The following STARD9 variants were observed in gnomAD, a reference collection of about 807,000 sequenced individuals.
The protein encoded by STARD9 is stAR-related lipid transfer protein 9.
STARD9 carries 346 observed loss-of-function variants against 399.8 expected under a neutral mutation model. The observed-to-expected ratio is 0.87, with a 90% CI of 0.79 to 0.95. The LOEUF (loss-of-function observed/expected upper bound fraction) is 0.95. Among genes scored for constraint, STARD9 ranks in the 40% least tolerant of loss-of-function variants. The pLI, the probability that STARD9 is intolerant of heterozygous loss-of-function variation, is 0.00. For missense variants in STARD9, 5,832 were observed against 5,667.5 expected, an observed-to-expected ratio of 1.03 and a Z score of -0.93; for synonymous variants, 2,203 against 2,143.5, an observed-to-expected ratio of 1.03 and a Z score of -0.77.
Position 42,607,651 on chromosome 15 carries a change from T to TACACACACACACAC in STARD9, c.234+22036_234+22049dup, listed in dbSNP as rs10655556. On this transcript the variant is annotated intron_variant, in intron 3 of 32. Transcript: ENST00000290607. ...AATATATTATACACACACACACTTATACACACACACACACACACACACACA... is the reference window on the plus strand; with the variant it reads ...AATATATTATACACACACACACTTATACACACACACACACACACACACACACACACACACACACA... Among the ~76,000 whole-genome samples the TACACACACACACAC allele has an allele frequency of 3.8e-3, 552 of 143,768 alleles. 5 individuals carry two copies. Among genetic ancestry groups the TACACACACACACAC allele is most frequent in the African/African-American group, 0.014 (528 of 39,110 alleles). 94.3% of individuals were successfully genotyped at this position (143,768 alleles called of 152,430 possible).
chr15:42,620,690 T>C (rs1595652601), intron 3 of STARD9, among the ~76,000 whole-genome samples: 1 of 152,242 alleles, frequency 6.6e-6, no homozygotes, highest in South Asian at 2.1e-4. Context: ...TCTTAACACT[T>C]ACGAAGATTA....
At chr15:42,713,952 TATTA>T (rs2061301714) in intron 26 of STARD9, among the ~76,000 whole-genome samples, 1 of 152,166 alleles carries the variant, frequency 6.6e-6, no homozygotes, top group Non-Finnish European at 1.5e-5. Flanking sequence ...GAAGGATTGG[TATTA>T]ATTCCTTAAA....
intron 7 of STARD9, among the ~76,000 whole-genome samples, chr15:42,647,686 A>G (rs977780330): frequency 1.3e-5 from 2 of 151,902 alleles, no homozygotes; most frequent in Admixed American, 1.3e-4. Flanking sequence ...GTTTCATCAC[A>G]GTTTTGGTCT....
rs557187583 is a variant in STARD9 at position 42,691,156 on chromosome 15, T to A, written c.9578T>A (p.Phe3193Tyr). 2.0e-5 allele frequency: 30 copies of A among 1,537,112 alleles called. No individual in the cohort carries two copies. The South Asian group carries it at 3.6e-4, about 18-fold the overall frequency. Residue 3193 changes from phenylalanine (F) to tyrosine (Y), a missense_variant, in exon 23 of 33, where the codon TTT becomes TAT. This residue lies in a region of STARD9 where 5,828 missense variants were observed against 5,651.1 expected (regional missense o/e 1.03). Transcript: ENST00000290607. ...DHNRLDSQAK[F>Y]VARLKHTCSP... The stretch of plus-strand genomic sequence containing the variant: ...AATCGCTTGGATTCCCAAGCCAAGT[T>A]TGTAGCAAGGTTAAAACATACCTGC...
At position 42,663,358 on chromosome 15, in the gene STARD9, A is replaced by G. The variant is rs1326457750; in HGVS notation, c.946A>G (p.Ser316Gly). Residue 316 changes from serine to glycine, a missense_variant, in exon 12 of 33, where the codon AGC becomes GGC. Coordinates refer to ENST00000290607, the MANE Select transcript of STARD9 (RefSeq NM_020759.3). The part of the protein sequence containing the change: ...VSNGGDSGIL[S>G]SPSGTSSGGA... ...CAATGGTGGTGACAGTGGGATCCTT[A>G]GCTCTCCTTCTGGGACCAGCAGTGG... 1 of 1,537,164 alleles carries G rather than the reference A, an allele frequency of 6.5e-7. No homozygotes were observed. The highest frequency in any genetic ancestry group is 8.7e-7 in the Non-Finnish European group (1 of 1,146,920).
At chr15:42,619,946 A>G (rs1386056736) in intron 3 of STARD9, among the ~76,000 whole-genome samples, 2 of 152,228 alleles carry the variant, frequency 1.3e-5, no homozygotes, top group African/African-American at 4.8e-5. Context: ...GCCTTTATTC[A>G]GATCAGCAGG....
chr15:42,673,970 A>G (rs1299760376), intron 16 of STARD9: 1 of 456,632 alleles, frequency 2.2e-6, no homozygotes, highest in East Asian at 6.9e-5. Context: ...GAAGGTAAAA[A>G]TCCTGTGTTT....
Position 42,689,890 on chromosome 15 carries a change from G to A in STARD9, c.8312G>A (p.Gly2771Asp). The A allele has an allele frequency of 6.5e-7, 1 of 1,537,574 alleles. No individual in the cohort carries two copies. The highest frequency in any genetic ancestry group is 8.7e-7 in the Non-Finnish European group (1 of 1,146,996). Residue 2771 changes from glycine to aspartate, a missense_variant, in exon 23 of 33, where the codon GGC becomes GAC. Physicochemically the swap from Gly to Asp is moderately conservative, Grantham distance 94 (BLOSUM62 -1). Around this residue, in one of 2 missense-constraint regions of STARD9, gnomAD observed 5,828 missense variants for 5,651.1 expected, o/e 1.03. Coordinates refer to ENST00000290607, the MANE Select transcript of STARD9 (RefSeq NM_020759.3). ...TCAGTTCCGCAGGAGACTGCAGAGG[G>A]CATACCCCCTGGCAGTCAGGACAGC... ...SQSVPQETAE[G>D]IPPGSQDSSP...
At chr15:42,605,901 C>T (rs985674605) in intron 3 of STARD9, among the ~76,000 whole-genome samples, 2 of 152,164 alleles carry the variant, frequency 1.3e-5, no homozygotes, top group Non-Finnish European at 2.9e-5. Context: ...ACAAACATGT[C>T]GTGGTCTCTG....
chr15:42,596,201 C>G (rs1174161446), intron 3 of STARD9, among the ~76,000 whole-genome samples: 3 of 152,110 alleles, frequency 2.0e-5, no homozygotes, highest in African/African-American at 7.2e-5. Context: ...GAGACATGCC[C>G]AAAGCTTGAT....
intron 3 of STARD9, among the ~76,000 whole-genome samples, chr15:42,588,731 G>A (rs1457297598): frequency 6.9e-6 from 1 of 144,516 alleles, no homozygotes. Flanking sequence ...TAGGACTTGG[G>A]GTGGAAAAGA....
intron 4 of STARD9, among the ~76,000 whole-genome samples, chr15:42,636,873 C>G (rs1436889902): frequency 6.6e-6 from 1 of 152,028 alleles, no homozygotes; most frequent in Non-Finnish European, 1.5e-5. Flanking sequence ...CAAGACCAGC[C>G]TGGCCAACGT....
chr15:42,590,124 G>A (rs894851176), intron 3 of STARD9, among the ~76,000 whole-genome samples: 7 of 151,372 alleles, frequency 4.6e-5, no homozygotes, highest in Non-Finnish European at 7.4e-5. Context: ...CACCATGCTC[G>A]GCTAAGTTTT....
chr15:42,664,182 T>C (rs2060044917), intron 13 of STARD9, among the ~76,000 whole-genome samples: 2 of 152,204 alleles, frequency 1.3e-5, no homozygotes, highest in African/African-American at 2.4e-5. Flanking sequence ...TTACCATTAC[T>C]ACTCTAAGAA....
chr15:42,683,200 G>A (rs561302837), intron 22 of STARD9, among the ~76,000 whole-genome samples: 7 of 152,318 alleles, frequency 4.6e-5, no homozygotes, highest in Admixed American at 2.6e-4. Flanking sequence ...TCCATAGGAC[G>A]TTCACAATTA....
At chr15:42,611,791 T>G (rs973155796) in intron 3 of STARD9, among the ~76,000 whole-genome samples, 1 of 151,838 alleles carries the variant, frequency 6.6e-6, no homozygotes, top group African/African-American at 2.4e-5. Context: ...ATTAAGGCTA[T>G]GTGGGGAAAT....
At chr15:42,606,901 A>G (rs926197781) in intron 3 of STARD9, among the ~76,000 whole-genome samples, 1 of 152,086 alleles carries the variant, frequency 6.6e-6, no homozygotes, top group Non-Finnish European at 1.5e-5. Context: ...TAGCAAATGG[A>G]TGCTTCATTT....
At position 42,692,732 on chromosome 15, in the gene STARD9, C is replaced by A; in HGVS notation, c.11154C>A (p.Ala3718=). 1 of 1,537,094 alleles carries A rather than the reference C, an allele frequency of 6.5e-7. No individual in the cohort carries two copies. Among genetic ancestry groups the A allele is most frequent in the Non-Finnish European group, 8.7e-7 (1 of 1,146,892 alleles). Residue 3718 remains alanine (A), a synonymous_variant, in exon 23 of 33, where the codon GCC becomes GCA. Transcript: ENST00000290607. ...QNTKRDIPDK[A]PQALMMDGST... ...CCAAGAGGGACATCCCAGATAAAGC[C>A]CCACAGGCCCTGATGATGGATGGCT...
intron 3 of STARD9, among the ~76,000 whole-genome samples, chr15:42,616,651 G>A (rs182535861): frequency 3.3e-5 from 5 of 152,056 alleles, no homozygotes; most frequent in African/African-American, 7.2e-5. Flanking sequence ...CAGCACTTTG[G>A]GGGGCTGAGG....
Sources: gnomAD v4.1 joint callset for allele counts (sites outside exome capture counted in the v4.1 genomes callset) on GRCh38, gnomAD v4.1.1 for gene constraint, gnomAD v4.1.1 regional missense constraint, MANE v1.5 for transcripts, NCBI Gene and HGNC (gene_info 2026-07-23, HGNC 2026-07-21) for gene names.